The following NPC2 variants were observed in gnomAD, a reference collection of about 807,000 sequenced individuals.
The protein encoded by NPC2 is NPC intracellular cholesterol transporter 2, also known as Niemann-Pick disease type C2 protein.
A neutral mutation model predicts 17.0 loss-of-function variants in NPC2; 14 were observed. The observed-to-expected ratio is 0.82, with a 90% CI of 0.54 to 1.29. The LOEUF is 1.29. Ranked by LOEUF, NPC2 falls within the 50% of genes most tolerant of loss-of-function variation. The pLI, the probability that NPC2 is intolerant of heterozygous loss-of-function variation, is 0.00. For missense variants in NPC2, 167 were observed against 183.4 expected (o/e 0.91, Z 0.52); for synonymous variants, 75 against 69.3 (o/e 1.08, Z -0.41).
chr14:74,491,966 C>A (rs1449547017), intron 1 of NPC2, among the ~76,000 whole-genome samples: 1 of 152,140 alleles, frequency 6.6e-6, no homozygotes, highest in Non-Finnish European at 1.5e-5. Context: ...TCTGAACCTC[C>A]CCAAATTGCT....
rs1281836334 is a variant in NPC2 at position 74,484,559 on chromosome 14, C to A, written c.219G>T (p.Val73=). 6.2e-7 allele frequency: 1 copy of A among 1,613,994 alleles called. No homozygotes were observed. The highest frequency in any genetic ancestry group is 8.5e-7 in the Non-Finnish European group (1 of 1,180,014). Residue 73 remains valine, a synonymous_variant, in exon 3 of 5, where the codon GTG becomes GTT. Transcript: ENST00000555619. ...GGACGCCCATCAGGATGCCATGCAC[C>A]ACGGCCTTGCTGCTTTTAGACTGAA... ...SNIQSKSSKA[V]VHGILMGVPV... is the part of the protein sequence containing the mutation.
rs538627854 is a variant in NPC2 at position 74,488,435 on chromosome 14, G to A, written c.83-1999C>T. Among the ~76,000 whole-genome samples, 8 of 152,306 alleles carry A rather than the reference G, an allele frequency of 5.3e-5. No individual in the cohort carries two copies. The South Asian group carries it at 1.4e-3, about 28-fold the overall frequency. On this transcript the variant is annotated intron_variant, in intron 1 of 4. Coordinates refer to ENST00000555619, the MANE Select transcript of NPC2 (RefSeq NM_006432.5). ...GCTTTTAAAATTAGGCTGATTCAAG[G>A]GTGGGCATGGTGGCTCATGCCTATA...
chr14:74,480,922 A>G (rs1292099232), intron 3 of NPC2, 143 bp from the exon 4 acceptor site: 1 of 780,416 alleles, frequency 1.3e-6, no homozygotes, highest in Admixed American at 1.8e-5. Context: ...AGGGCTGCTT[A>G]GCATGTGGGC....
chr14:74,480,065 G>A lies in NPC2; in HGVS notation c.*209C>T, dbSNP rs2139663563. The A allele has an allele frequency of 2.6e-6, 4 of 1,519,152 alleles. No individual in the cohort carries two copies. In the South Asian group the frequency reaches 4.9e-5, roughly 19 times the overall value. 94.1% of individuals were successfully genotyped at this position (1,519,152 alleles called of 1,614,324 possible). A position where few individuals can be genotyped will look rare whatever the true frequency, so the allele number is the denominator to read the frequency against. On this transcript the variant is annotated 3_prime_UTR_variant, in exon 5 of 5. Transcript: ENST00000555619. ...CTGCTAACCAAGTGCTGCATTTAAT[G>A]AAACCACCTAAGACAGAAAAAGAGA...
chr14:74,490,042 C>A (rs150232854), intron 1 of NPC2, among the ~76,000 whole-genome samples: 1 of 152,152 alleles, frequency 6.6e-6, no homozygotes, highest in Admixed American at 6.6e-5. Flanking sequence ...AAAAACTGGA[C>A]CTCTCACCTC....
Position 74,493,185 on chromosome 14 carries a change from G to A in NPC2, c.82+8C>T, listed in dbSNP as rs1190614957. 2 of 1,605,254 alleles carry A rather than the reference G, an allele frequency of 1.2e-6. No individual in the cohort carries two copies. The highest frequency in any genetic ancestry group is 1.7e-6 in the Non-Finnish European group (2 of 1,177,054). ...GGCGCGGGAACCTTGGGCGGGCCTG[G>A]GGCTCACCGCAGTCCTTGAACTGCA... On this transcript the variant is annotated splice_region_variant and intron_variant, in intron 1 of 4. Coordinates refer to ENST00000555619, the MANE Select transcript of NPC2 (RefSeq NM_006432.5). The surrounding 1 kb of genome is among the most constrained non-coding windows in gnomAD (Gnocchi z 4.1).
chr14:74,484,689 C>G, intron 2 of NPC2, 102 bp from the exon 3 acceptor site: 1 of 1,053,270 alleles, frequency 9.5e-7, no homozygotes, highest in Non-Finnish European at 1.3e-6. Context: ...TTCCTAGGGT[C>G]TATTTCTCTT....
At chr14:74,487,112 G>A (rs2086720297) in intron 1 of NPC2, among the ~76,000 whole-genome samples, 1 of 151,090 alleles carries the variant, frequency 6.6e-6, no homozygotes, top group South Asian at 2.1e-4. Context: ...CATCATGCCC[G>A]GCTAAGTTTT....
chr14:74,487,612 C>A (rs1348815015), intron 1 of NPC2, among the ~76,000 whole-genome samples: 1 of 152,148 alleles, frequency 6.6e-6, no homozygotes, highest in Non-Finnish European at 1.5e-5. Context: ...AAATGTAGAG[C>A]CTGAAACTCC....
At position 74,481,037 on chromosome 14, in the gene NPC2, T is replaced by C. The variant is rs115110522; in HGVS notation, c.364-258A>G. 2.1e-3 allele frequency among the ~76,000 whole-genome samples: 313 copies of C among 152,340 alleles called. 1 individual carries two copies. Among genetic ancestry groups the C allele is most frequent in the African/African-American group, 7.2e-3 (300 of 41,578 alleles). Reference sequence around the variant, plus strand: ...TTTATCAAATGTAATTTCTAAAGCATTCTCTTCTCTCTTAGATCAATGGCA... The same window carrying C: ...TTTATCAAATGTAATTTCTAAAGCACTCTCTTCTCTCTTAGATCAATGGCA... On this transcript the variant is annotated intron_variant, in intron 3 of 4. Transcript: ENST00000555619.
intron 1 of NPC2, among the ~76,000 whole-genome samples, chr14:74,490,869 T>G (rs1410322191): frequency 6.6e-6 from 1 of 152,230 alleles, no homozygotes; most frequent in Non-Finnish European, 1.5e-5. Context: ...TTTAAAAGCT[T>G]CTTCCCATAG....
intron 2 of NPC2, among the ~76,000 whole-genome samples, chr14:74,484,969 G>A (rs1413521231): frequency 6.6e-6 from 1 of 152,216 alleles, no homozygotes; most frequent in South Asian, 2.1e-4. Flanking sequence ...GTCATGGTCT[G>A]TAACAACAGT....
chr14:74,486,586 T>C (rs931747380), intron 1 of NPC2, 150 bp from the exon 2 acceptor site: 18 of 682,802 alleles, frequency 2.6e-5, no homozygotes, highest in Non-Finnish European at 4.8e-5. Flanking sequence ...TCTTTAAGAA[T>C]AATGCCCAAT....
intron 1 of NPC2, among the ~76,000 whole-genome samples, chr14:74,492,747 T>C (rs1251963347): frequency 6.6e-6 from 1 of 152,008 alleles, no homozygotes; most frequent in Non-Finnish European, 1.5e-5. Context: ...CAATAAATGA[T>C]GAAAAAGGGG....
chr14:74,487,102 C>T (rs1369732496), intron 1 of NPC2, among the ~76,000 whole-genome samples: 1 of 151,804 alleles, frequency 6.6e-6, no homozygotes, highest in African/African-American at 2.4e-5. Flanking sequence ...AGGCGAGTGC[C>T]ATCATGCCCG....
At position 74,480,240 on chromosome 14, in the gene NPC2, T is replaced by A. The variant is rs370799099; in HGVS notation, c.*34A>T. 6.2e-7 allele frequency: 1 copy of A among 1,614,010 alleles called. No homozygotes were observed. Among genetic ancestry groups the A allele is most frequent in the Non-Finnish European group, 8.5e-7 (1 of 1,180,034 alleles). On this transcript the variant is annotated 3_prime_UTR_variant, in exon 5 of 5. Coordinates refer to ENST00000555619, the MANE Select transcript of NPC2 (RefSeq NM_006432.5). ...GGTGCTGTCAAGAGTCTCAGCAGAC[T>A]CATTGGCCAGATGCACCGAACTCAA...
In NPC2 at chr14:74,480,299, A is replaced by G. The variant is rs764571166; in HGVS notation, c.442-11T>C. On this transcript the variant is annotated splice_polypyrimidine_tract_variant and intron_variant, in intron 4 of 4. Coordinates refer to ENST00000555619, the MANE Select transcript of NPC2 (RefSeq NM_006432.5). ...TTAGAGATGAGAAACCTGTGGATGT[A>G]ATGTCCCAGCTCAGTGGAAGTGGTT... 6.2e-7 allele frequency: 1 copy of G among 1,610,004 alleles called. No homozygotes were observed. Among genetic ancestry groups the G allele is most frequent in the Non-Finnish European group, 8.5e-7 (1 of 1,176,892 alleles).
Position 74,486,438 on chromosome 14 carries a change from T to C in NPC2, c.83-2A>G. ...CCTTTATAACTCCATCCACAGAACC[T>C]GCAAAAGAAAAATGAATTGGAATAG... On this transcript the variant is annotated splice_acceptor_variant, in intron 1 of 4. Coordinates refer to ENST00000555619, the MANE Select transcript of NPC2 (RefSeq NM_006432.5). LOFTEE classifies it high-confidence loss of function. 6.3e-7 allele frequency: 1 copy of C among 1,582,516 alleles called. No individual in the cohort carries two copies. The highest frequency in any genetic ancestry group is 8.6e-7 in the Non-Finnish European group (1 of 1,162,612).
At chr14:74,486,928 G>A (rs1482734536) in intron 1 of NPC2, among the ~76,000 whole-genome samples, 1 of 151,890 alleles carries the variant, frequency 6.6e-6, no homozygotes, top group African/African-American at 2.4e-5. Flanking sequence ...TAAATCTGAT[G>A]AAAGTTGTTC....
Sources: allele counts gnomAD v4.1 joint callset (sites outside exome capture counted in the v4.1 genomes callset), GRCh38; gene constraint gnomAD v4.1.1; non-coding constraint Gnocchi (gnomAD v3.1); transcripts MANE v1.5; gene names NCBI Gene and HGNC (gene_info 2026-07-23, HGNC 2026-07-21).